The following ORM1 variants were observed in gnomAD, a reference collection of about 807,000 sequenced individuals.
ORM1 encodes the protein orosomucoid 1.
Under a neutral mutation model 26.9 loss-of-function variants are expected in ORM1, and 13 were observed. The ratio of observed to expected loss-of-function variants is 0.48; its 90% confidence interval spans 0.31 to 0.77. The LOEUF is 0.77. ORM1 is among the 30% of genes least tolerant of loss of function. ORM1 has a pLI of 0.04. For synonymous variants in ORM1, 76 were observed against 102.2 expected, an observed-to-expected ratio of 0.74 and a Z score of 1.55; for missense variants, 189 against 246.8, an observed-to-expected ratio of 0.77 and a Z score of 1.57.
rs139329138 is a variant in ORM1 at position 114,324,021 on chromosome 9, G to A, written c.261G>A (p.Gln87=). The change falls in exon 3 of 6, where the codon CAG becomes CAA. Residue 87 remains glutamine (Q), a synonymous_variant. Transcript: ENST00000259396. ...TIFLREYQTR[Q]DQCIYNTTYL... is the part of the protein sequence containing the mutation. ...TCCGCCTTCTGTTTGGCTTTAGACA[G>A]GACCAGTGCATCTATAACACCACCT... 17 of 1,614,022 alleles carry A rather than the reference G, an allele frequency of 1.1e-5. No individual in the cohort carries two copies. In the African/African-American group the frequency reaches 2.1e-4, roughly 20 times the overall value.
At chr9:114,326,032 C>G (rs1475886636) in intron 5 of ORM1, among the ~76,000 whole-genome samples, 1 of 150,280 alleles carries the variant, frequency 6.7e-6, no homozygotes, top group South Asian at 2.1e-4. Flanking sequence ...CATAAGGGCT[C>G]GGCAGGTCCT....
chr9:114,323,119 C>A lies in ORM1; in HGVS notation c.-15C>A. On this transcript the variant is annotated 5_prime_UTR_variant, in exon 1 of 6. Transcript: ENST00000259396. ...CACCAGCACTGCCTGGCTCCACGTG[C>A]CTCCTGGTCTCAGTATGGCGCTGTC... The A allele has an allele frequency of 7.5e-7, 1 of 1,335,700 alleles. No homozygotes were observed. The highest frequency in any genetic ancestry group is 1.5e-5 in the African/African-American group (1 of 65,212). The allele number at this position is 1,335,700 out of a possible 1,614,324, so 82.7% of individuals were successfully genotyped here. A position where few individuals can be genotyped will look rare whatever the true frequency, so the allele number is the denominator to read the frequency against.
Position 114,324,000 on chromosome 9 carries a change from C to T in ORM1, c.258-18C>T, listed in dbSNP as rs753473662. On this transcript the variant is annotated intron_variant, in intron 2 of 5. Coordinates refer to ENST00000259396, the MANE Select transcript of ORM1 (RefSeq NM_000607.4). ...CAATAATCTTCCTGTTTTCCTTCCG[C>T]CTTCTGTTTGGCTTTAGACAGGACC... 14 of 1,613,552 alleles carry T rather than the reference C, an allele frequency of 8.7e-6. No homozygotes were observed. In the East Asian group the frequency reaches 8.9e-5, roughly 10 times the overall value.
intron 4 of ORM1, 41 bp downstream of exon 4, chr9:114,324,938 G>A: frequency 1.9e-6 from 3 of 1,597,858 alleles, no homozygotes; most frequent in Non-Finnish European, 2.6e-6. Context: ...CCCCTCTCAG[G>A]CCTCACCCCC....
chr9:114,325,431 G>A (rs1224804699), intron 5 of ORM1, among the ~76,000 whole-genome samples: 1 of 151,806 alleles, frequency 6.6e-6, no homozygotes, highest in East Asian at 1.9e-4. Flanking sequence ...GGCAATTGGA[G>A]GGGACGTAAT....
chr9:114,324,034 T>C lies in ORM1; in HGVS notation c.274T>C (p.Tyr92His). Residue 92 changes from tyrosine to histidine, a missense_variant, in exon 3 of 6, where the codon TAT becomes CAT. This residue lies in a region of ORM1 where 163 missense variants were observed against 157.7 expected (regional missense o/e 1.03). Transcript: ENST00000259396. Reference sequence around the variant, plus strand: ...TGGCTTTAGACAGGACCAGTGCATCTATAACACCACCTACCTGAATGTCCA... The same window carrying C: ...TGGCTTTAGACAGGACCAGTGCATCCATAACACCACCTACCTGAATGTCCA... The part of the protein sequence containing the change: ...EYQTRQDQCI[Y>H]NTTYLNVQRE... 1.9e-6 allele frequency: 3 copies of C among 1,614,004 alleles called. No individual in the cohort carries two copies. The highest frequency in any genetic ancestry group is 2.5e-6 in the Non-Finnish European group (3 of 1,179,986).
At chr9:114,324,160 T>A in intron 3 of ORM1, 72 bp downstream of exon 3, 2 of 1,370,888 alleles carry the variant, frequency 1.5e-6, no homozygotes, top group Non-Finnish European at 1.0e-6. Flanking sequence ...GGGGGCTGGA[T>A]GTAGAGCCCT....
At chr9:114,324,940 C>T in intron 4 of ORM1, 43 bp downstream of exon 4, 1 of 1,596,312 alleles carries the variant, frequency 6.3e-7, no homozygotes, top group African/African-American at 1.3e-5. Context: ...CCTCTCAGGC[C>T]TCACCCCCCA....
rs181205917 is a variant in ORM1, at chr9:114,326,189, G to A, written c.541-103G>A. On this transcript the variant is annotated intron_variant, in intron 5 of 5. Coordinates refer to ENST00000259396, the MANE Select transcript of ORM1 (RefSeq NM_000607.4). ...CCAGGGTTGGAGCCCTGGTTGAGCT[G>A]GTTCCACAGGCCAGAGCTCATTCTG... 2.7e-5 allele frequency: 42 copies of A among 1,545,144 alleles called. No individual in the cohort carries two copies. The Admixed American group carries it at 8.2e-4, about 30-fold the overall frequency.
chr9:114,324,272 A>C (rs557196309), intron 3 of ORM1, among the ~76,000 whole-genome samples, 184 bp downstream of exon 3: 616 of 152,008 alleles, frequency 4.1e-3, no homozygotes, highest in African/African-American at 0.014. Context: ...GAGGAGGAAA[A>C]AGAAGAACAG....
At chr9:114,324,528 G>C (rs1165424851) in intron 3 of ORM1, among the ~76,000 whole-genome samples, 1 of 152,168 alleles carries the variant, frequency 6.6e-6, no homozygotes, top group Non-Finnish European at 1.5e-5. Context: ...CCTCCTCTCT[G>C]GGCCTCATTT....
chr9:114,325,813 T>A (rs560577436), intron 5 of ORM1, among the ~76,000 whole-genome samples: 2 of 151,840 alleles, frequency 1.3e-5, no homozygotes, highest in African/African-American at 2.4e-5. Context: ...TGACCACCAG[T>A]GGTGTGAACT....
chr9:114,323,811 AG>A lies in ORM1; in HGVS notation c.257+7del. ...CTCAGAGAGTACCAGACCCGGTGAG[AG>A]CCCCCATTCCAATGCACCCCCATCT... On this transcript the variant is annotated splice_region_variant and intron_variant, in intron 2 of 5. Transcript: ENST00000259396. 6.2e-7 allele frequency: 1 copy of A among 1,613,904 alleles called. No homozygotes were observed. Among genetic ancestry groups the A allele is most frequent in the Non-Finnish European group, 8.5e-7 (1 of 1,179,984 alleles).
rs1452168898 is a variant in ORM1 at position 114,324,850 on chromosome 9, T to C, written c.389T>C (p.Leu130Pro). The C allele has an allele frequency of 6.2e-7, 1 of 1,614,088 alleles. No homozygotes were observed. The highest frequency in any genetic ancestry group is 1.3e-5 in the African/African-American group (1 of 74,938). ...LILRDTKTYM[L>P]AFDVNDEKNW... ...CTCAGGGACACCAAGACCTACATGC[T>C]TGCTTTTGACGTGAACGATGAGAAG... Residue 130 changes from leucine to proline, a missense_variant, in exon 4 of 6, where the codon CTT (leucine) becomes CCT (proline). Physicochemically the swap from Leu to Pro is moderately conservative, Grantham distance 98. This residue lies in a region of ORM1 where 163 missense variants were observed against 157.7 expected (regional missense o/e 1.03). Transcript: ENST00000259396.
In ORM1 at chr9:114,326,028, G is replaced by T. The variant is rs1709066446; in HGVS notation, c.541-264G>T. Among the ~76,000 whole-genome samples, 3 of 150,490 alleles carry T rather than the reference G, an allele frequency of 2.0e-5. 1 individual carries two copies. The highest frequency in any genetic ancestry group is 7.5e-5 in the African/African-American group (3 of 39,798). On this transcript the variant is annotated intron_variant, in intron 5 of 5. Coordinates refer to ENST00000259396, the MANE Select transcript of ORM1 (RefSeq NM_000607.4). ...AGGAATTCAGGAGCTGCAGCATAAGGGCTCGGCAGGTCCTAAGTGCACAGT... is the reference window on the plus strand; with the variant it reads ...AGGAATTCAGGAGCTGCAGCATAAGTGCTCGGCAGGTCCTAAGTGCACAGT...
At chr9:114,326,018 G>A (rs1433348520) in intron 5 of ORM1, among the ~76,000 whole-genome samples, 1 of 150,710 alleles carries the variant, frequency 6.6e-6, no homozygotes, top group African/African-American at 2.5e-5. Context: ...TTCAGGAGCT[G>A]CAGCATAAGG....
At chr9:114,325,396 G>A (rs1010416454) in intron 5 of ORM1, 4 of 425,572 alleles carry the variant, frequency 9.4e-6, no homozygotes, top group African/African-American at 2.0e-5. Flanking sequence ...GGAGGGAACA[G>A]CGTGAGCCAC....
rs11552130 is a variant in ORM1, at chr9:114,323,747, T to G, written c.199T>G (p.Phe67Val). 1.2e-6 allele frequency: 2 copies of G among 1,613,968 alleles called. No homozygotes were observed. Among genetic ancestry groups the G allele is most frequent in the Non-Finnish European group, 1.7e-6 (2 of 1,179,932 alleles). ...GGTTCAGGAGATCCAAGCAACCTTCTTTTACTTCACCCCCAACAAGACAGA... is the reference window on the plus strand; with the variant it reads ...GGTTCAGGAGATCCAAGCAACCTTCGTTTACTTCACCCCCAACAAGACAGA... ...KSVQEIQATF[F>V]YFTPNKTEDT... The change falls in exon 2 of 6, where the codon TTT becomes GTT. Residue 67 changes from phenylalanine to valine, a missense_variant. Coordinates refer to ENST00000259396, the MANE Select transcript of ORM1 (RefSeq NM_000607.4).
rs1252234491 is a variant in ORM1 at position 114,324,822 on chromosome 9, A to T, written c.361A>T (p.Ile121Phe). 6.2e-7 allele frequency: 1 copy of T among 1,614,054 alleles called. No individual in the cohort carries two copies. Among genetic ancestry groups the T allele is most frequent in the Non-Finnish European group, 8.5e-7 (1 of 1,179,962 alleles). The change falls in exon 4 of 6, where the codon ATC becomes TTC. Residue 121 changes from isoleucine to phenylalanine, a missense_variant. Ile to Phe is a conservative substitution (Grantham distance 21). Around this residue, in one of 3 missense-constraint regions of ORM1, gnomAD observed 163 missense variants for 157.7 expected, o/e 1.03. Transcript: ENST00000259396. ...CCAAGAGCATTTCGCTCACTTGCTGATCCTCAGGGACACCAAGACCTACAT... is the reference window on the plus strand; with the variant it reads ...CCAAGAGCATTTCGCTCACTTGCTGTTCCTCAGGGACACCAAGACCTACAT... ...GGQEHFAHLLILRDTKTYMLA... is the reference protein window; with the variant it reads ...GGQEHFAHLLFLRDTKTYMLA...
Sources: allele counts gnomAD v4.1 joint callset (sites outside exome capture counted in the v4.1 genomes callset), GRCh38; gene constraint gnomAD v4.1.1; regional missense constraint gnomAD v4.1.1; transcripts MANE v1.5; gene names NCBI Gene and HGNC (gene_info 2026-07-23, HGNC 2026-07-21).